Variants in VOPP1 observed in about 807,000 individuals in gnomAD.
VOPP1 encodes VOPP1 WW domain binding protein.
Under a neutral mutation model 23.5 loss-of-function variants are expected in VOPP1, and 8 were observed. The ratio of observed to expected loss-of-function variants is 0.34; its 90% confidence interval spans 0.20 to 0.61. VOPP1 has a LOEUF of 0.61. VOPP1 is among the 20% of genes least tolerant of loss of function. The probability of loss-of-function intolerance (pLI) is 0.78; values close to 1 mark genes in which losing one functional copy is unlikely to be tolerated. For missense variants in VOPP1, 174 were observed against 238.1 expected (o/e 0.73, Z 1.77); for synonymous variants, 83 against 97.3 (o/e 0.85, Z 0.86).
chr7:55,467,470 C>T (rs1791662255), downstream of VOPP1, among the ~76,000 whole-genome samples: 1 of 152,256 alleles, frequency 6.6e-6, no homozygotes, highest in African/African-American at 2.4e-5. Flanking sequence ...GCTCCTCCCT[C>T]GCCAGCCACC....
chr7:55,497,567 G>T lies in VOPP1; in HGVS notation c.191+46C>A, dbSNP rs779097426. ...TGACAACACTGATGGGGGGGGGGGG[G>T]GGGCAGAGCTCTCGGGGTAGGGAAC... On this transcript the variant is annotated intron_variant, in intron 3 of 4. Coordinates refer to ENST00000285279, the MANE Select transcript of VOPP1 (RefSeq NM_030796.5). The T allele has an allele frequency of 9.6e-3, 12,880 of 1,342,876 alleles. 390 individuals carry two copies. Among genetic ancestry groups the T allele is most frequent in the African/African-American group, 0.062 (4,140 of 67,242 alleles). The allele number at this position is 1,342,876 out of a possible 1,614,324, so 83.2% of individuals were successfully genotyped here.
At chr7:55,440,480 C>T (rs1481156870) in intron 4 of VOPP1, among the ~76,000 whole-genome samples, 3 of 152,246 alleles carry the variant, frequency 2.0e-5, no homozygotes, top group African/African-American at 7.2e-5. Context: ...AGCCTCCTCA[C>T]TGCCAGCCAG....
chr7:55,571,989 G>C (rs1798377244), intron 1 of VOPP1: 1 of 377,734 alleles, frequency 2.6e-6, no homozygotes, highest in African/African-American at 2.1e-5. Flanking sequence ...GTCACCCCGA[G>C]CTAACGGAGG....
chr7:55,545,986 G>A (rs1423310156), intron 1 of VOPP1, among the ~76,000 whole-genome samples: 1 of 152,154 alleles, frequency 6.6e-6, no homozygotes, highest in Admixed American at 6.5e-5. Flanking sequence ...AGGACCACCT[G>A]AGCCTGAGAG....
downstream of VOPP1, among the ~76,000 whole-genome samples, chr7:55,467,872 G>A (rs1288316486): frequency 1.3e-5 from 2 of 152,216 alleles, no homozygotes; most frequent in South Asian, 2.1e-4. Context: ...CTTCTATCAG[G>A]TAAAACTGAT....
At chr7:55,473,526 G>A (rs912815094) in intron 4 of VOPP1, among the ~76,000 whole-genome samples, 2 of 152,196 alleles carry the variant, frequency 1.3e-5, no homozygotes, top group African/African-American at 4.8e-5. Flanking sequence ...GTGCACCTGG[G>A]CACACATAGC....
chr7:55,470,095 T>G (rs1250515370), downstream of VOPP1, among the ~76,000 whole-genome samples: 2 of 152,138 alleles, frequency 1.3e-5, no homozygotes, highest in African/African-American at 2.4e-5. Flanking sequence ...GCAAACATTA[T>G]GTCAATTAGT....
intron 1 of VOPP1, among the ~76,000 whole-genome samples, chr7:55,569,954 C>T (rs953082476): frequency 6.6e-6 from 1 of 152,156 alleles, no homozygotes; most frequent in Non-Finnish European, 1.5e-5. Context: ...TGATCAACCA[C>T]GTGGCAAATT....
At chr7:55,548,853 A>G (rs1797477033) in intron 1 of VOPP1, among the ~76,000 whole-genome samples, 2 of 152,248 alleles carry the variant, frequency 1.3e-5, no homozygotes, top group Non-Finnish European at 2.9e-5. Context: ...ACTGGGTTCT[A>G]TAACAGGCAT....
chr7:55,551,174 C>A (rs901966226), intron 1 of VOPP1, among the ~76,000 whole-genome samples: 2 of 152,226 alleles, frequency 1.3e-5, no homozygotes, highest in African/African-American at 2.4e-5. Flanking sequence ...TTCTTCCAGA[C>A]TTCTCTACAG....
chr7:55,551,205 C>T lies in VOPP1; in HGVS notation c.54+21066G>A, dbSNP rs189320614. On this transcript the variant is annotated intron_variant, in intron 1 of 4. Transcript: ENST00000285279. ...TACAGCAAGGCACTCCAGGCTGTCGCTACCAAGAAGACAAGCAAGGCTTCA... is the reference window on the plus strand; with the variant it reads ...TACAGCAAGGCACTCCAGGCTGTCGTTACCAAGAAGACAAGCAAGGCTTCA... Among the ~76,000 whole-genome samples, 3 of 152,332 alleles carry T rather than the reference C, an allele frequency of 2.0e-5. No individual in the cohort carries two copies. In the East Asian group the frequency reaches 5.8e-4, roughly 29 times the overall value.
intron 4 of VOPP1, among the ~76,000 whole-genome samples, chr7:55,488,636 A>T (rs189233400): frequency 7.9e-5 from 12 of 152,122 alleles, no homozygotes; most frequent in Non-Finnish European, 1.8e-4. Context: ...TCCCAGCAGG[A>T]GCGCCATGCG....
chr7:55,520,099 G>A (rs546670089), intron 2 of VOPP1, among the ~76,000 whole-genome samples: 7 of 152,188 alleles, frequency 4.6e-5, no homozygotes, highest in African/African-American at 1.4e-4. Flanking sequence ...CTGCACTCCA[G>A]CCTGGTGATA....
intron 1 of VOPP1, among the ~76,000 whole-genome samples, chr7:55,536,393 G>C (rs564778877): frequency 7.9e-5 from 12 of 152,252 alleles, no homozygotes; most frequent in African/African-American, 2.4e-4. Flanking sequence ...GCCCGGTGTG[G>C]TGGCGGGCGC....
At chr7:55,551,073 G>A (rs2129053677) in intron 1 of VOPP1, among the ~76,000 whole-genome samples, 1 of 152,200 alleles carries the variant, frequency 6.6e-6, no homozygotes, top group South Asian at 2.1e-4. Context: ...CTCTGGTTGG[G>A]TTGGCAAATT....
rs545962956 is a variant in VOPP1, at chr7:55,479,218, A to AT, written c.329-6174dup. The stretch of plus-strand genomic sequence containing the variant: ...TGTGCACAATGTGCAGGTTAGTTAC[A>AT]TATGTATACGTGTGCCATGCTGGTG... On this transcript the variant is annotated intron_variant, in intron 4 of 4. Coordinates refer to ENST00000285279, the MANE Select transcript of VOPP1 (RefSeq NM_030796.5). Among the ~76,000 whole-genome samples, 445 of 151,166 alleles carry AT rather than the reference A, an allele frequency of 2.9e-3. 1 individual carries two copies. Among genetic ancestry groups the AT allele is most frequent in the Non-Finnish European group, 4.4e-3 (298 of 67,924 alleles).
chr7:55,453,295 C>A (rs1039019867), intron 4 of VOPP1, among the ~76,000 whole-genome samples: 1 of 152,204 alleles, frequency 6.6e-6, no homozygotes, highest in African/African-American at 2.4e-5. Flanking sequence ...ACTGGAATAG[C>A]GCTTTTAATT....
At chr7:55,469,948 A>G (rs550063894), downstream of VOPP1, among the ~76,000 whole-genome samples, 4 of 152,156 alleles carry the variant, frequency 2.6e-5, no homozygotes, top group Non-Finnish European at 4.4e-5. Flanking sequence ...GGCTTTGGGA[A>G]GTGGGAGGAT....
In VOPP1 at chr7:55,483,756, CCTTTTTT is replaced by C. The variant is rs372904795; in HGVS notation, c.328+8519_328+8525del. ...GTTGATTTTAACACAACATGTTGGTCCTTTTTTCTTTTTTCTTTTTTTTGAGATGGAA... is the reference window on the plus strand; with the variant it reads ...GTTGATTTTAACACAACATGTTGGTCCTTTTTTCTTTTTTTTGAGATGGAA... On this transcript the variant is annotated intron_variant, in intron 4 of 4. Transcript: ENST00000285279. 2.7e-4 allele frequency among the ~76,000 whole-genome samples: 41 copies of C among 152,284 alleles called. No individual in the cohort carries two copies. The East Asian group carries it at 6.6e-3, about 24-fold the overall frequency.
Sources: gnomAD v4.1 joint callset for allele counts (sites outside exome capture counted in the v4.1 genomes callset) on GRCh38, gnomAD v4.1.1 for gene constraint, MANE v1.5 for transcripts, NCBI Gene and HGNC (gene_info 2026-07-23, HGNC 2026-07-21) for gene names.